HS6ST3: variants seen among roughly 807,000 people sequenced by gnomAD.
The protein encoded by HS6ST3 is heparan-sulfate 6-O-sulfotransferase 3.
HS6ST3 carries 12 observed loss-of-function variants against 36.7 expected under a neutral mutation model. That is an observed-to-expected ratio of 0.33 (90% CI 0.21 to 0.53). HS6ST3 has a LOEUF of 0.53. HS6ST3 is among the 20% of genes least tolerant of loss of function. HS6ST3 has a pLI of 0.95. For synonymous variants in HS6ST3, 240 were observed against 257.5 expected, an observed-to-expected ratio of 0.93 and a Z score of 0.65; for missense variants, 584 against 640.9, an observed-to-expected ratio of 0.91 and a Z score of 0.96.
chr13:96,552,991 G>A (rs2056225332), intron 1 of HS6ST3, among the ~76,000 whole-genome samples: 1 of 152,100 alleles, frequency 6.6e-6, no homozygotes, highest in African/African-American at 2.4e-5. Flanking sequence ...TTGTTTACCT[G>A]CAGGGAGAGG....
chr13:96,729,105 A>G (rs995159938), intron 1 of HS6ST3, among the ~76,000 whole-genome samples: 6 of 152,200 alleles, frequency 3.9e-5, no homozygotes, highest in Non-Finnish European at 7.3e-5. Flanking sequence ...AGTATTTTTG[A>G]CAGAGAACAA....
At chr13:96,526,352 C>G (rs1313669373) in intron 1 of HS6ST3, among the ~76,000 whole-genome samples, 2 of 152,178 alleles carry the variant, frequency 1.3e-5, no homozygotes, top group Non-Finnish European at 2.9e-5. Flanking sequence ...TTAGAAAGGT[C>G]ACTCTAGATG....
chr13:96,537,178 T>A (rs3843682), intron 1 of HS6ST3, among the ~76,000 whole-genome samples: 123,489 of 152,156 alleles, frequency 0.81, 51,260 homozygotes, highest in Non-Finnish European at 0.9. Context: ...GGCGAAAGGC[T>A]TATCTTACGT....
chr13:96,363,425 C>G (rs1035364509), intron 1 of HS6ST3, among the ~76,000 whole-genome samples: 6 of 152,026 alleles, frequency 3.9e-5, no homozygotes, highest in African/African-American at 1.4e-4. Flanking sequence ...CATGGCCACA[C>G]ATAGCTGCAA....
intron 1 of HS6ST3, among the ~76,000 whole-genome samples, chr13:96,236,289 C>T (rs761818275): frequency 7.2e-5 from 11 of 152,164 alleles, no homozygotes; most frequent in African/African-American, 1.2e-4. Flanking sequence ...CCCGCACAGA[C>T]GCACCCAGAA....
chr13:96,378,983 G>T (rs942893774), intron 1 of HS6ST3, among the ~76,000 whole-genome samples: 12 of 152,238 alleles, frequency 7.9e-5, no homozygotes, highest in African/African-American at 2.9e-4. Context: ...TCTTTCTACA[G>T]CACTGTGCCT....
At chr13:96,452,076 C>T (rs933935780) in intron 1 of HS6ST3, among the ~76,000 whole-genome samples, 1 of 152,102 alleles carries the variant, frequency 6.6e-6, no homozygotes, top group South Asian at 2.1e-4. Flanking sequence ...TTTTCTGTGG[C>T]CTAATTTTCA....
At chr13:96,435,331 CT>C (rs1293620185) in intron 1 of HS6ST3, among the ~76,000 whole-genome samples, 3 of 151,934 alleles carry the variant, frequency 2.0e-5, no homozygotes, top group Non-Finnish European at 4.4e-5. Flanking sequence ...AGGTGTACTC[CT>C]TTATGGAGTC....
intron 1 of HS6ST3, among the ~76,000 whole-genome samples, chr13:96,116,487 A>G (rs1010300379): frequency 6.6e-6 from 1 of 152,272 alleles, no homozygotes; most frequent in East Asian, 1.9e-4. Context: ...AAACAACAGC[A>G]TGGCAGACAC....
Position 96,262,371 on chromosome 13 carries a change from G to T in HS6ST3, c.707+170802G>T, listed in dbSNP as rs143275850. The stretch of plus-strand genomic sequence containing the variant: ...CAGAAGCATTAAAGTGGGAAAGTCT[G>T]AAATCCCTGAAGAGTCTGGGTGGAT... On this transcript the variant is annotated intron_variant, in intron 1 of 1. Transcript: ENST00000376705. Among the ~76,000 whole-genome samples the T allele has an allele frequency of 2.6e-5, 4 of 152,284 alleles. No individual in the cohort carries two copies. In the East Asian group the frequency reaches 7.7e-4, roughly 29 times the overall value.
chr13:96,694,175 T>A (rs912336405), intron 1 of HS6ST3, among the ~76,000 whole-genome samples: 3 of 152,038 alleles, frequency 2.0e-5, no homozygotes, highest in Non-Finnish European at 4.4e-5. Flanking sequence ...CCTCCCACCC[T>A]CCATCCTCTG....
At chr13:96,112,854 G>A (rs2053877415) in intron 1 of HS6ST3, among the ~76,000 whole-genome samples, 1 of 151,932 alleles carries the variant, frequency 6.6e-6, no homozygotes, top group African/African-American at 2.4e-5. Context: ...GAGGGTATCT[G>A]TGGGTTTGTG....
intron 1 of HS6ST3, among the ~76,000 whole-genome samples, chr13:96,662,858 G>A (rs748260546): frequency 1.3e-5 from 2 of 152,122 alleles, no homozygotes; most frequent in African/African-American, 2.4e-5. Context: ...CAAGTTTTGT[G>A]TTGGGTTGTG....
chr13:96,426,248 A>G (rs2055586484), intron 1 of HS6ST3, among the ~76,000 whole-genome samples: 1 of 152,142 alleles, frequency 6.6e-6, no homozygotes, highest in African/African-American at 2.4e-5. Flanking sequence ...TTTCAGGGTT[A>G]TATTGTTCGC....
At chr13:96,696,857 C>G (rs1442653033) in intron 1 of HS6ST3, among the ~76,000 whole-genome samples, 2 of 152,086 alleles carry the variant, frequency 1.3e-5, no homozygotes, top group African/African-American at 2.4e-5. Context: ...AAGACCTGCT[C>G]TCACCAAACC....
intron 1 of HS6ST3, among the ~76,000 whole-genome samples, chr13:96,499,630 C>A (rs975328357): frequency 9.2e-5 from 14 of 152,130 alleles, no homozygotes; most frequent in Non-Finnish European, 1.9e-4. Flanking sequence ...GGAGTGAGGG[C>A]AGGAACCCTG....
chr13:96,756,991 T>C (rs1423911126), intron 1 of HS6ST3, among the ~76,000 whole-genome samples: 1 of 152,208 alleles, frequency 6.6e-6, no homozygotes, highest in African/African-American at 2.4e-5. Flanking sequence ...CTGCTTAGTG[T>C]CTCCCAAGGT....
chr13:96,819,948 C>T (rs1048549955), intron 1 of HS6ST3, among the ~76,000 whole-genome samples: 10 of 151,960 alleles, frequency 6.6e-5, no homozygotes, highest in East Asian at 1.9e-4. Context: ...TGGTGGCAGA[C>T]GCCTGTAATC....
intron 1 of HS6ST3, among the ~76,000 whole-genome samples, chr13:96,574,855 T>G (rs1399269704): frequency 6.6e-6 from 1 of 152,168 alleles, no homozygotes. Flanking sequence ...CCACGAGGGT[T>G]GAACACACAC....
Sources: allele counts gnomAD v4.1 joint callset (sites outside exome capture counted in the v4.1 genomes callset), GRCh38; gene constraint gnomAD v4.1.1; transcripts MANE v1.5; gene names NCBI Gene and HGNC (gene_info 2026-07-23, HGNC 2026-07-21).